The following DGKI variants were observed in gnomAD, a reference collection of about 807,000 sequenced individuals.
DGKI encodes the protein diacylglycerol kinase iota, also known as DAG kinase iota.
DGKI carries 55 observed loss-of-function variants against 147.5 expected under a neutral mutation model. That is an observed-to-expected ratio of 0.37 (90% CI 0.30 to 0.47). The LOEUF is 0.47. Ranked by LOEUF, DGKI falls within the 20% of genes least tolerant of loss-of-function variation. The pLI is 1.00. For synonymous variants in DGKI, 469 were observed against 477.1 expected, an observed-to-expected ratio of 0.98 and a Z score of 0.22; for missense variants, 1,007 against 1,323.8, an observed-to-expected ratio of 0.76 and a Z score of 3.71.
rs1822721672 is a variant in DGKI at position 137,668,450 on chromosome 7, TGGCAGG to T, written c.606+10101_606+10106del. 2.6e-5 allele frequency among the ~76,000 whole-genome samples: 4 copies of T among 152,302 alleles called. No homozygotes were observed. In the South Asian group the frequency reaches 8.3e-4, roughly 32 times the overall value. ...GATTATAAATATAACAATACTTAAA[TGGCAGG>T]GTTGATCTGGTGACAGGTGTCTGTG... On this transcript the variant is annotated intron_variant, in intron 3 of 32. Coordinates refer to ENST00000614521, the MANE Select transcript of DGKI (RefSeq NM_001321708.2).
intron 26 of DGKI, among the ~76,000 whole-genome samples, chr7:137,464,920 A>G (rs1335641812): frequency 1.3e-5 from 2 of 152,208 alleles, no homozygotes. Context: ...AGACCAGTAA[A>G]ACACTAAATT....
At chr7:137,454,514 G>A (rs1489400659) in intron 27 of DGKI, among the ~76,000 whole-genome samples, 2 of 152,134 alleles carry the variant, frequency 1.3e-5, no homozygotes, top group African/African-American at 4.8e-5. Context: ...GATGAAGTTG[G>A]AGAAAATAAT....
chr7:137,692,906 A>G (rs1256586703), intron 1 of DGKI, among the ~76,000 whole-genome samples: 2 of 152,178 alleles, frequency 1.3e-5, no homozygotes, highest in Non-Finnish European at 2.9e-5. Flanking sequence ...CCAGTTTGTA[A>G]CTCTAATTGC....
chr7:137,504,607 CTA>C (rs1341430111), intron 21 of DGKI, among the ~76,000 whole-genome samples: 2 of 152,266 alleles, frequency 1.3e-5, no homozygotes, highest in Middle Eastern at 3.4e-3. Context: ...CTTGTTAACA[CTA>C]TGTATATACA....
Position 137,585,308 on chromosome 7 carries a change from T to C in DGKI, c.1464A>G (p.Gln488=). ...TDEPVSKILC[Q]VEDGTVVQLD... ...GCTGTACAACTGTCCCATCTTCCAC[T>C]TGACACAGGATCTTAGAAACAGGTT... The change falls in exon 14 of 33, where the codon CAA becomes CAG. Residue 488 remains glutamine, a synonymous_variant. Transcript: ENST00000614521. 4 of 1,614,144 alleles carry C rather than the reference T, an allele frequency of 2.5e-6. No homozygotes were observed. The highest frequency in any genetic ancestry group is 3.4e-6 in the Non-Finnish European group (4 of 1,180,004).
intron 10 of DGKI, among the ~76,000 whole-genome samples, chr7:137,608,491 TTCTATA>T (rs1427080495): frequency 6.6e-6 from 1 of 152,190 alleles, no homozygotes; most frequent in African/African-American, 2.4e-5. Context: ...AGTTGATATT[TTCTATA>T]ATGTTGGTGG....
chr7:137,824,718 C>T (rs1368392459), intron 1 of DGKI, among the ~76,000 whole-genome samples: 2 of 152,104 alleles, frequency 1.3e-5, no homozygotes, highest in African/African-American at 4.8e-5. Flanking sequence ...CCCGCCTCCA[C>T]CCTCCAAAAG....
chr7:137,654,716 G>T lies in DGKI; in HGVS notation c.738+16C>A. The T allele has an allele frequency of 6.4e-7, 1 of 1,561,010 alleles. No homozygotes were observed. Among genetic ancestry groups the T allele is most frequent in the Non-Finnish European group, 8.8e-7 (1 of 1,133,072 alleles). ...AATCAAAGGTGATACTTGAAATCAAGCTCTGAAATACTCACTTCTCTTGGT... is the reference window on the plus strand; with the variant it reads ...AATCAAAGGTGATACTTGAAATCAATCTCTGAAATACTCACTTCTCTTGGT... On this transcript the variant is annotated intron_variant, in intron 5 of 32. Coordinates refer to ENST00000614521, the MANE Select transcript of DGKI (RefSeq NM_001321708.2).
At chr7:137,714,489 G>C (rs1026663652) in intron 1 of DGKI, among the ~76,000 whole-genome samples, 1 of 152,140 alleles carries the variant, frequency 6.6e-6, no homozygotes, top group Admixed American at 6.5e-5. Context: ...CAGAGAAAGA[G>C]ATATGGAAGT....
At chr7:137,496,592 A>C (rs1815973708) in intron 21 of DGKI, among the ~76,000 whole-genome samples, 1 of 135,722 alleles carries the variant, frequency 7.4e-6, no homozygotes, top group Non-Finnish European at 1.5e-5. Context: ...TGATACTGGT[A>C]CAAAAACAGA....
chr7:137,543,122 T>C (rs1817756527), intron 20 of DGKI, among the ~76,000 whole-genome samples: 1 of 152,192 alleles, frequency 6.6e-6, no homozygotes, highest in Non-Finnish European at 1.5e-5. Flanking sequence ...TTTTATACTT[T>C]TTTGGCATTA....
chr7:137,466,358 A>G (rs1401448206), intron 25 of DGKI, among the ~76,000 whole-genome samples: 5 of 152,222 alleles, frequency 3.3e-5, no homozygotes, highest in African/African-American at 1.2e-4. Flanking sequence ...TGGTAAGTGG[A>G]CTTCTACCCC....
intron 1 of DGKI, among the ~76,000 whole-genome samples, chr7:137,758,092 C>A (rs1795744024): frequency 6.6e-6 from 1 of 152,172 alleles, no homozygotes; most frequent in South Asian, 2.1e-4. Flanking sequence ...ATATCTTGGG[C>A]TATACATGCT....
intron 1 of DGKI, among the ~76,000 whole-genome samples, chr7:137,798,350 A>T (rs191435965): frequency 6.6e-6 from 1 of 152,214 alleles, no homozygotes; most frequent in East Asian, 1.9e-4. Context: ...CGTGGCCAGT[A>T]TTATCATGAT....
chr7:137,633,828 T>C (rs1033671767), intron 6 of DGKI, among the ~76,000 whole-genome samples: 2 of 152,260 alleles, frequency 1.3e-5, no homozygotes, highest in African/African-American at 4.8e-5. Context: ...TTTACAGGCA[T>C]GTACCAGGGC....
At chr7:137,577,140 A>G in intron 17 of DGKI, 82 bp downstream of exon 17, 3 of 951,704 alleles carry the variant, frequency 3.2e-6, no homozygotes, top group Non-Finnish European at 1.7e-6. Flanking sequence ...CAGTGATTCA[A>G]TATATAAACT....
intron 1 of DGKI, among the ~76,000 whole-genome samples, chr7:137,700,324 C>T (rs1388487727): frequency 2.0e-5 from 3 of 152,198 alleles, no homozygotes; most frequent in East Asian, 3.9e-4. Context: ...GCTAAAGAAA[C>T]CAAGGGCGTG....
At chr7:137,841,638 T>C (rs1334685912) in intron 1 of DGKI, among the ~76,000 whole-genome samples, 2 of 152,212 alleles carry the variant, frequency 1.3e-5, no homozygotes, top group Non-Finnish European at 2.9e-5. Flanking sequence ...TTCTTCCAGA[T>C]GCTTCTGGTC....
chr7:137,547,805 G>A (rs1369240671), intron 20 of DGKI, among the ~76,000 whole-genome samples: 2 of 152,174 alleles, frequency 1.3e-5, no homozygotes, highest in Admixed American at 1.3e-4. Flanking sequence ...AACACGTAAA[G>A]GTACATCTAA....
Sources: gnomAD v4.1 joint callset for allele counts (sites outside exome capture counted in the v4.1 genomes callset) on GRCh38, gnomAD v4.1.1 for gene constraint, MANE v1.5 for transcripts, NCBI Gene and HGNC (gene_info 2026-07-23, HGNC 2026-07-21) for gene names.